Variants in GRID2 observed in about 807,000 individuals in gnomAD.
GRID2 encodes the protein glutamate ionotropic receptor delta type subunit 2, also known as glutamate receptor ionotropic, delta-2.
Under a neutral mutation model 114.8 loss-of-function variants are expected in GRID2, and 33 were observed. The observed-to-expected ratio is 0.29, with a 90% CI of 0.22 to 0.38. The LOEUF (loss-of-function observed/expected upper bound fraction) is 0.38. GRID2 is among the 10% of genes least tolerant of loss of function. GRID2 has a pLI of 1.00. For synonymous variants in GRID2, 505 were observed against 449.9 expected, an observed-to-expected ratio of 1.12 and a Z score of -1.55; for missense variants, 1,184 against 1,257.7, an observed-to-expected ratio of 0.94 and a Z score of 0.89.
At chr4:93,128,055 A>C (rs968718998) in intron 4 of GRID2, among the ~76,000 whole-genome samples, 11 of 145,166 alleles carry the variant, frequency 7.6e-5, no homozygotes, top group Non-Finnish European at 1.5e-4. Context: ...AAAAAAAAAA[A>C]AAAACAACAG....
At chr4:92,879,556 G>T (rs961567909) in intron 2 of GRID2, among the ~76,000 whole-genome samples, 3 of 152,168 alleles carry the variant, frequency 2.0e-5, no homozygotes, top group African/African-American at 7.2e-5. Flanking sequence ...TTCTGCCAGA[G>T]ATCCCATATA....
In GRID2 at chr4:92,949,435, A is replaced by G. The variant is rs74546161; in HGVS notation, c.245-135560A>G. 4.1e-3 allele frequency among the ~76,000 whole-genome samples: 621 copies of G among 152,148 alleles called. 1 individual carries two copies. Among genetic ancestry groups the G allele is most frequent in the Non-Finnish European group, 5.9e-3 (400 of 67,970 alleles). On this transcript the variant is annotated intron_variant, in intron 2 of 15. Coordinates refer to ENST00000282020, the MANE Select transcript of GRID2 (RefSeq NM_001510.4). ...AGTAACTCATCGTTTAACATTAGGC[A>G]TATCTCCAAAATGGAAAGCTAAAAT...
At chr4:93,187,927 C>T (rs539009467) in intron 4 of GRID2, among the ~76,000 whole-genome samples, 1 of 152,328 alleles carries the variant, frequency 6.6e-6, no homozygotes, top group South Asian at 2.1e-4. Flanking sequence ...GGTCAAGCAT[C>T]GGGCCCCCAA....
intron 10 of GRID2, among the ~76,000 whole-genome samples, chr4:93,438,834 T>G (rs180992939): frequency 0.023 from 3,244 of 143,906 alleles, 67 homozygotes; most frequent in South Asian, 0.054. Flanking sequence ...CCTCCCCCCA[T>G]CCCCCACCCC....
At chr4:92,870,821 T>C (rs1384869350) in intron 2 of GRID2, among the ~76,000 whole-genome samples, 1 of 152,184 alleles carries the variant, frequency 6.6e-6, no homozygotes, top group African/African-American at 2.4e-5. Context: ...GAAATGTATA[T>C]GGCAAAGGTG....
intron 2 of GRID2, among the ~76,000 whole-genome samples, chr4:92,740,935 T>C (rs1356273864): frequency 6.6e-6 from 1 of 152,058 alleles, no homozygotes; most frequent in Admixed American, 6.6e-5. Context: ...TTATTAGTTT[T>C]ATTAGAAGGG....
chr4:92,583,644 G>A (rs1728281067), intron 1 of GRID2, among the ~76,000 whole-genome samples: 1 of 150,074 alleles, frequency 6.7e-6, no homozygotes, highest in East Asian at 1.9e-4. Flanking sequence ...TATTTCCTGA[G>A]CAGATAATAA....
rs1729236476 is a variant in GRID2 at position 92,373,981 on chromosome 4, T to C, written c.88+69237T>C. On this transcript the variant is annotated intron_variant, in intron 1 of 15. Transcript: ENST00000282020. Reference sequence around the variant, plus strand: ...CCTATTTTTCATCACTGTAATGGGTTTGATACATATGTGTTGAATGCATGT... The same window carrying C: ...CCTATTTTTCATCACTGTAATGGGTCTGATACATATGTGTTGAATGCATGT... Among the ~76,000 whole-genome samples the C allele has an allele frequency of 2.6e-5, 4 of 152,086 alleles. No individual in the cohort carries two copies. In the South Asian group the frequency reaches 8.3e-4, roughly 32 times the overall value.
At position 93,804,242 on chromosome 4, in the gene GRID2, T is replaced by G. The variant is rs74548480; in HGVS notation, c.222-2473T>G. Among the ~76,000 whole-genome samples, 244 of 152,292 alleles carry G rather than the reference T, an allele frequency of 1.6e-3. 2 individuals carry two copies. The highest frequency in any genetic ancestry group is 5.7e-3 in the African/African-American group (238 of 41,552). ...TCATTATAATATACCAGGTAAGAACTCTAATAGTAGTCATGTGTTGCTTAA... is the reference window on the plus strand; with the variant it reads ...TCATTATAATATACCAGGTAAGAACGCTAATAGTAGTCATGTGTTGCTTAA... On this transcript the variant is annotated intron_variant, in intron 1 of 1. Coordinates refer to the GRID2 transcript ENST00000637838.
chr4:92,686,220 A>C (rs1010895513), intron 2 of GRID2, among the ~76,000 whole-genome samples: 1 of 152,088 alleles, frequency 6.6e-6, no homozygotes, highest in African/African-American at 2.4e-5. Context: ...AAACTACTTA[A>C]AATTAAATTG....
chr4:93,607,924 T>G (rs1578382566), intron 13 of GRID2, among the ~76,000 whole-genome samples: 2 of 152,130 alleles, frequency 1.3e-5, no homozygotes, highest in East Asian at 3.9e-4. Context: ...ATTAACTGTT[T>G]GTCCCCCATG....
intron 1 of GRID2, among the ~76,000 whole-genome samples, chr4:92,350,456 T>C (rs961258086): frequency 1.3e-5 from 2 of 151,852 alleles, no homozygotes; most frequent in Non-Finnish European, 2.9e-5. Context: ...AATTATAATT[T>C]TAAACATTTG....
intron 2 of GRID2, among the ~76,000 whole-genome samples, chr4:92,706,295 T>C (rs1734954555): frequency 1.3e-5 from 2 of 152,142 alleles, no homozygotes; most frequent in Admixed American, 6.5e-5. Flanking sequence ...TAAAAAAAGA[T>C]TGTCAACGGT....
At chr4:92,759,568 T>C (rs1737888472) in intron 2 of GRID2, among the ~76,000 whole-genome samples, 1 of 152,084 alleles carries the variant, frequency 6.6e-6, no homozygotes, top group Non-Finnish European at 1.5e-5. Flanking sequence ...ATCAAATATA[T>C]GTTATGTGTG....
intron 14 of GRID2, among the ~76,000 whole-genome samples, chr4:93,650,954 A>T (rs995527734): frequency 6.6e-6 from 1 of 152,154 alleles, no homozygotes; most frequent in Non-Finnish European, 1.5e-5. Flanking sequence ...GACTCAGTTT[A>T]CTGAATGCGA....
chr4:92,673,401 T>C (rs1733172321), intron 2 of GRID2, among the ~76,000 whole-genome samples: 1 of 152,180 alleles, frequency 6.6e-6, no homozygotes, highest in Non-Finnish European at 1.5e-5. Flanking sequence ...AAATATTGAG[T>C]TGTTGTTTAG....
chr4:92,574,729 G>A (rs534088343), intron 1 of GRID2, among the ~76,000 whole-genome samples: 2 of 151,998 alleles, frequency 1.3e-5, no homozygotes, highest in African/African-American at 4.8e-5. Context: ...GGTCACCTGC[G>A]TTTTCTCTCT....
At chr4:93,292,786 T>G (rs1197129679) in intron 8 of GRID2, among the ~76,000 whole-genome samples, 1 of 152,188 alleles carries the variant, frequency 6.6e-6, no homozygotes, top group African/African-American at 2.4e-5. Flanking sequence ...GGCTTGCAAG[T>G]TCACAAGTCC....
chr4:92,946,176 T>G (rs1751615077), intron 2 of GRID2, among the ~76,000 whole-genome samples: 1 of 152,126 alleles, frequency 6.6e-6, no homozygotes, highest in East Asian at 1.9e-4. Flanking sequence ...GGCATTTGGA[T>G]ATGCGAATGG....
Sources: allele counts gnomAD v4.1 joint callset (sites outside exome capture counted in the v4.1 genomes callset), GRCh38; gene constraint gnomAD v4.1.1; transcripts MANE v1.5; gene names NCBI Gene and HGNC (gene_info 2026-07-23, HGNC 2026-07-21).